Variants in CHST9 observed in about 807,000 individuals in gnomAD.
CHST9 encodes the protein carbohydrate sulfotransferase 9, also known as GalNAc-4-sulfotransferase 2.
CHST9 carries 41 observed loss-of-function variants against 44.4 expected under a neutral mutation model. The observed-to-expected ratio is 0.92, with a 90% CI of 0.72 to 1.20. CHST9 has a LOEUF of 1.20. CHST9 is among the 50% of genes most tolerant of loss of function. CHST9 has a pLI of 0.00. For synonymous variants in CHST9, 171 were observed against 178.4 expected (o/e 0.96, Z 0.33); for missense variants, 504 against 516.5 (o/e 0.98, Z 0.23).
At position 27,018,164 on chromosome 18, in the gene CHST9, T is replaced by G. The variant is rs1234961206; in HGVS notation, c.202+5952A>C. Among the ~76,000 whole-genome samples, 3 of 152,196 alleles carry G rather than the reference T, an allele frequency of 2.0e-5. 1 individual carries two copies. Among genetic ancestry groups the G allele is most frequent in the Non-Finnish European group, 4.4e-5 (3 of 68,034 alleles). On this transcript the variant is annotated intron_variant, in intron 4 of 5. Transcript: ENST00000618847. ...CGCTGAATTATTCTATGGGGCACTT[T>G]AACAAGGCCCCAAAAATTGACTTTT...
chr18:26,972,864 C>T (rs2056568547), intron 4 of CHST9, among the ~76,000 whole-genome samples: 1 of 152,134 alleles, frequency 6.6e-6, no homozygotes, highest in South Asian at 2.1e-4. Flanking sequence ...TGGCTTCCAA[C>T]ACTGCGTGGC....
At chr18:27,040,351 G>T (rs182440335) in intron 3 of CHST9, among the ~76,000 whole-genome samples, 1 of 152,280 alleles carries the variant, frequency 6.6e-6, no homozygotes, top group Admixed American at 6.5e-5. Flanking sequence ...ATTTAAATAT[G>T]CTAGCTACAC....
At chr18:26,991,530 A>T (rs966370010) in intron 4 of CHST9, among the ~76,000 whole-genome samples, 3 of 152,140 alleles carry the variant, frequency 2.0e-5, no homozygotes, top group African/African-American at 7.2e-5. Flanking sequence ...TTGGATATGA[A>T]TTTGATGATT....
Position 26,917,358 on chromosome 18 carries a change from A to C in CHST9, c.241-8T>G. 1 of 1,604,654 alleles carries C rather than the reference A, an allele frequency of 6.2e-7. No homozygotes were observed. Among genetic ancestry groups the C allele is most frequent in the Non-Finnish European group, 8.5e-7 (1 of 1,176,938 alleles). Reference sequence around the variant, plus strand: ...CATGTGAAACTTGGGGTTCTGTTAAAATAAAGAAGGAGAAATGTTGAAAGC... The same window carrying C: ...CATGTGAAACTTGGGGTTCTGTTAACATAAAGAAGGAGAAATGTTGAAAGC... On this transcript the variant is annotated splice_polypyrimidine_tract_variant and splice_region_variant and intron_variant, in intron 5 of 5. Coordinates refer to ENST00000618847, the MANE Select transcript of CHST9 (RefSeq NM_031422.6).
intron 1 of CHST9, among the ~76,000 whole-genome samples, chr18:27,167,172 C>T (rs1015029458): frequency 6.6e-6 from 1 of 152,168 alleles, no homozygotes; most frequent in Non-Finnish European, 1.5e-5. Context: ...ATTTTTTGCA[C>T]CTGCTGCTTT....
At chr18:26,924,134 C>T (rs183249185) in intron 5 of CHST9, among the ~76,000 whole-genome samples, 1 of 152,144 alleles carries the variant, frequency 6.6e-6, no homozygotes, top group Non-Finnish European at 1.5e-5. Context: ...GGAGGTGTGC[C>T]TGGGGGCAGA....
At chr18:27,182,816 T>A (rs1480323710) in intron 1 of CHST9, among the ~76,000 whole-genome samples, 1 of 152,328 alleles carries the variant, frequency 6.6e-6, no homozygotes, top group African/African-American at 2.4e-5. Context: ...GTTATTCATA[T>A]CCTATCTCAC....
chr18:26,935,589 T>G (rs1279174591), intron 5 of CHST9: 1 of 152,222 alleles, frequency 6.6e-6, no homozygotes. Flanking sequence ...GTAAATTACA[T>G]TATTCCACAT....
intron 5 of CHST9, among the ~76,000 whole-genome samples, chr18:26,923,525 G>A (rs2055702091): frequency 6.9e-6 from 1 of 144,016 alleles, no homozygotes; most frequent in South Asian, 2.2e-4. Flanking sequence ...AATTCACATT[G>A]GTTTTATACT....
chr18:27,126,858 A>G (rs1162371018), intron 2 of CHST9, among the ~76,000 whole-genome samples: 1 of 152,120 alleles, frequency 6.6e-6, no homozygotes, highest in African/African-American at 2.4e-5. Flanking sequence ...TCAGAAAAGG[A>G]TAATTGTGAC....
chr18:27,020,303 G>A (rs893933150), intron 4 of CHST9, among the ~76,000 whole-genome samples: 1 of 152,160 alleles, frequency 6.6e-6, no homozygotes, highest in African/African-American at 2.4e-5. Flanking sequence ...TGTGCCATGG[G>A]GCAATCTCCA....
intron 2 of CHST9, among the ~76,000 whole-genome samples, chr18:27,108,483 T>G (rs889209797): frequency 1.3e-5 from 2 of 152,210 alleles, no homozygotes; most frequent in African/African-American, 4.8e-5. Flanking sequence ...TAAAAACAGG[T>G]AATTTCTTTA....
intron 3 of CHST9, among the ~76,000 whole-genome samples, chr18:27,045,216 T>G (rs2057486301): frequency 6.6e-6 from 1 of 152,140 alleles, no homozygotes; most frequent in South Asian, 2.1e-4. Flanking sequence ...TATACTTAAC[T>G]GAATTTGAAA....
intron 1 of CHST9, among the ~76,000 whole-genome samples, chr18:27,147,084 G>A (rs534285902): frequency 4.1e-4 from 63 of 151,904 alleles, no homozygotes; most frequent in Non-Finnish European, 5.4e-4. Context: ...ATTTTTTTGA[G>A]ATGGAGTTTC....
intron 2 of CHST9, among the ~76,000 whole-genome samples, chr18:27,083,534 A>G (rs955453420): frequency 6.6e-6 from 1 of 152,192 alleles, no homozygotes; most frequent in African/African-American, 2.4e-5. Flanking sequence ...CCAATTTGCT[A>G]AATGACTAAT....
intron 4 of CHST9, among the ~76,000 whole-genome samples, chr18:26,949,681 A>C (rs763949953): frequency 5.9e-5 from 9 of 152,224 alleles, no homozygotes; most frequent in Non-Finnish European, 1.2e-4. Flanking sequence ...ACATGTCCAC[A>C]TCCTAATCAG....
In CHST9 at chr18:26,909,235, T is replaced by A. The variant is rs1453864771; in HGVS notation, c.*7024A>T. On this transcript the variant is annotated 3_prime_UTR_variant, in exon 6 of 6. Transcript: ENST00000618847. ...ACTGACAATTCTCTGAGCTGAGAGT[T>A]GTTAACTTTTCAACACAGTGACAGA... The A allele has an allele frequency of 6.6e-6, 1 of 152,196 alleles. No homozygotes were observed. Among genetic ancestry groups the A allele is most frequent in the Non-Finnish European group, 1.5e-5 (1 of 68,028 alleles). The allele number at this position is 152,196 out of a possible 1,614,324, so 9.4% of individuals were successfully genotyped here.
rs577970090 is a variant in CHST9 at position 26,954,362 on chromosome 18, C to T, written c.203-9996G>A. ...ATCTACAATGCATGCTGTCTAACCA[C>T]AGTCCCCAATTTGTTGAGCCCATCA... is the stretch of plus-strand genomic sequence containing the variant. On this transcript the variant is annotated intron_variant, in intron 4 of 5. Coordinates refer to ENST00000618847, the MANE Select transcript of CHST9 (RefSeq NM_031422.6). 2.3e-3 allele frequency among the ~76,000 whole-genome samples: 343 copies of T among 152,288 alleles called. 3 individuals carry two copies. The highest frequency in any genetic ancestry group is 7.8e-3 in the African/African-American group (326 of 41,564).
intron 1 of CHST9, among the ~76,000 whole-genome samples, chr18:27,147,976 G>T (rs2058627798): frequency 6.6e-6 from 1 of 151,408 alleles, no homozygotes; most frequent in Non-Finnish European, 1.5e-5. Flanking sequence ...ATTAAGCCTG[G>T]TACTCATTAG....
Sources: allele counts gnomAD v4.1 joint callset (sites outside exome capture counted in the v4.1 genomes callset), GRCh38; gene constraint gnomAD v4.1.1; transcripts MANE v1.5; gene names NCBI Gene and HGNC (gene_info 2026-07-23, HGNC 2026-07-21).